Variants in CDC40 observed in about 807,000 individuals in gnomAD.
The protein encoded by CDC40 is pre-mRNA-processing factor 17.
A neutral mutation model predicts 80.6 loss-of-function variants in CDC40; 27 were observed. That is an observed-to-expected ratio of 0.33 (90% confidence interval 0.25 to 0.46). CDC40 has a LOEUF of 0.46. CDC40 is among the 20% of genes least tolerant of loss of function. The pLI is 1.00. For missense variants in CDC40, 486 were observed against 694.1 expected, an observed-to-expected ratio of 0.70 and a Z score of 3.37; for synonymous variants, 221 against 232.6, an observed-to-expected ratio of 0.95 and a Z score of 0.45.
intron 10 of CDC40, 114 bp from the exon 11 acceptor site, chr6:110,219,250 C>A (rs1425890584): frequency 3.9e-6 from 2 of 506,912 alleles, no homozygotes. Flanking sequence ...AAAGAGCAAG[C>A]AGGCAGCCCT....
Position 110,181,517 on chromosome 6 carries a change from A to G in CDC40, c.189+884A>G, listed in dbSNP as rs1191807727. Among the ~76,000 whole-genome samples, 9 of 152,202 alleles carry G rather than the reference A, an allele frequency of 5.9e-5. No homozygotes were observed. In the South Asian group the frequency reaches 1.4e-3, roughly 24 times the overall value. Reference sequence around the variant, plus strand: ...GTATCATGTCCCCAAGTCTAGTTTAATGACTTAAGAAGTGTTTTACAGGTT... The same window carrying G: ...GTATCATGTCCCCAAGTCTAGTTTAGTGACTTAAGAAGTGTTTTACAGGTT... On this transcript the variant is annotated intron_variant, in intron 1 of 14. Transcript: ENST00000307731.
chr6:110,214,558 A>T (rs1229967702), intron 8 of CDC40, among the ~76,000 whole-genome samples: 2 of 152,200 alleles, frequency 1.3e-5, no homozygotes, highest in Non-Finnish European at 2.9e-5. Context: ...TCTAAGAGAC[A>T]AGGAATGATT....
chr6:110,213,928 A>C (rs1018628065), intron 8 of CDC40, among the ~76,000 whole-genome samples: 5 of 152,114 alleles, frequency 3.3e-5, no homozygotes, highest in African/African-American at 1.2e-4. Context: ...AAAAATTTTG[A>C]ATCTGAAAGG....
intron 2 of CDC40, among the ~76,000 whole-genome samples, chr6:110,196,949 G>T (rs182089869): frequency 5.6e-4 from 85 of 152,170 alleles, no homozygotes; most frequent in Admixed American, 1.5e-3. Context: ...ACTATTATAT[G>T]TTCAGTAATT....
At chr6:110,229,128 G>A in intron 14 of CDC40, 152 bp downstream of exon 14, 2 of 747,466 alleles carry the variant, frequency 2.7e-6, no homozygotes, top group Non-Finnish European at 4.2e-6. Context: ...GGATATAAAG[G>A]CAAGAACAAA....
intron 2 of CDC40, among the ~76,000 whole-genome samples, chr6:110,200,756 G>C (rs760536279): frequency 2.6e-5 from 4 of 151,972 alleles, no homozygotes; most frequent in African/African-American, 4.8e-5. Flanking sequence ...TTGCCTTTGG[G>C]GGTTTTTTCT....
chr6:110,228,812 C>T lies in CDC40; in HGVS notation c.1418-20C>T. The T allele has an allele frequency of 6.5e-7, 1 of 1,546,452 alleles. No homozygotes were observed. On this transcript the variant is annotated intron_variant, in intron 13 of 14. Transcript: ENST00000307731. ...TTGTTTTAGTCTTCCTCTAAAATAC[C>T]TCATTTATTGAATTTACAGGAAAAT...
At chr6:110,182,999 T>C (rs1487144095) in intron 1 of CDC40, among the ~76,000 whole-genome samples, 2 of 152,248 alleles carry the variant, frequency 1.3e-5, no homozygotes, top group African/African-American at 4.8e-5. Context: ...TCTCCCATGC[T>C]GAACTCTTTA....
intron 1 of CDC40, among the ~76,000 whole-genome samples, chr6:110,181,082 C>A (rs544128914): frequency 6.6e-6 from 1 of 152,208 alleles, no homozygotes; most frequent in Non-Finnish European, 1.5e-5. Context: ...TCTTTCCTCA[C>A]CTGTACAGTG....
At chr6:110,227,071 C>G (rs1777873517) in intron 13 of CDC40, among the ~76,000 whole-genome samples, 1 of 152,014 alleles carries the variant, frequency 6.6e-6, no homozygotes, top group Admixed American at 6.6e-5. Context: ...AAGTTTTGGT[C>G]TGATTCTCCA....
chr6:110,183,512 C>G (rs767135551), intron 1 of CDC40, among the ~76,000 whole-genome samples: 63 of 152,170 alleles, frequency 4.1e-4, no homozygotes, highest in Non-Finnish European at 7.4e-5. Flanking sequence ...AGAGGTAGAG[C>G]TGGGGCTAGT....
At chr6:110,225,107 T>G (rs1207275569) in intron 12 of CDC40, among the ~76,000 whole-genome samples, 2 of 152,206 alleles carry the variant, frequency 1.3e-5, no homozygotes, top group Middle Eastern at 3.2e-3. Context: ...ATGACCCTGA[T>G]AGAAGTTTTT....
At chr6:110,224,301 CTG>C (rs1331074091) in intron 12 of CDC40, 1 of 151,932 alleles carries the variant, frequency 6.6e-6, no homozygotes, top group African/African-American at 2.4e-5. Context: ...CATTTTTAAA[CTG>C]GAGATTATTT....
At chr6:110,180,795 G>C (rs891789771) in intron 1 of CDC40, among the ~76,000 whole-genome samples, 162 bp downstream of exon 1, 8 of 152,236 alleles carry the variant, frequency 5.3e-5, no homozygotes, top group Non-Finnish European at 4.4e-5. Flanking sequence ...GGGAGAGGCA[G>C]AATTGGAAGT....
chr6:110,231,993 A>T lies in CDC40; in HGVS notation c.*1862A>T, dbSNP rs921016534. On this transcript the variant is annotated 3_prime_UTR_variant, in exon 15 of 15. Coordinates refer to ENST00000307731, the MANE Select transcript of CDC40 (RefSeq NM_015891.3). Reference sequence around the variant, plus strand: ...AGGATTCAGATATGACCTTTTCTTTAGTCCCAACCACTAGTTTTAACAAAT... The same window carrying T: ...AGGATTCAGATATGACCTTTTCTTTTGTCCCAACCACTAGTTTTAACAAAT... 1 of 146,510 alleles carries T rather than the reference A, an allele frequency of 6.8e-6. No individual in the cohort carries two copies. Among genetic ancestry groups the T allele is most frequent in the Non-Finnish European group, 1.5e-5 (1 of 66,920 alleles). The allele number at this position is 146,510 out of a possible 1,614,324, so 9.1% of individuals were successfully genotyped here. A position where few individuals can be genotyped will look rare whatever the true frequency, so the allele number is the denominator to read the frequency against.
chr6:110,210,588 A>T (rs1777625818), intron 5 of CDC40, 119 bp from the exon 6 acceptor site: 3 of 332,990 alleles, frequency 9.0e-6, no homozygotes, highest in Admixed American at 1.0e-4. Context: ...TGAGCTTGTT[A>T]TCCTGGGAAC....
intron 1 of CDC40, among the ~76,000 whole-genome samples, chr6:110,187,999 G>A (rs976060446): frequency 6.6e-5 from 10 of 152,116 alleles, no homozygotes; most frequent in East Asian, 3.8e-4. Flanking sequence ...ACAGCCCTTC[G>A]TTTTCTTGAG....
chr6:110,201,496 A>C, intron 2 of CDC40, 62 bp from the exon 3 acceptor site: 5 of 1,293,622 alleles, frequency 3.9e-6, no homozygotes, highest in Non-Finnish European at 5.3e-6. Flanking sequence ...TCTAACTTCC[A>C]TATACTCAGA....
At chr6:110,205,159 A>C (rs1187280747) in intron 3 of CDC40, among the ~76,000 whole-genome samples, 1 of 152,130 alleles carries the variant, frequency 6.6e-6, no homozygotes, top group Non-Finnish European at 1.5e-5. Flanking sequence ...AATTAGTTTT[A>C]ATAATTATTA....
Sources: gnomAD v4.1 joint callset for allele counts (sites outside exome capture counted in the v4.1 genomes callset) on GRCh38, gnomAD v4.1.1 for gene constraint, MANE v1.5 for transcripts, NCBI Gene and HGNC (gene_info 2026-07-23, HGNC 2026-07-21) for gene names.